KPNA1: variants seen among roughly 807,000 people sequenced by gnomAD.
KPNA1 encodes the protein importin subunit alpha-5.
KPNA1 carries 10 observed loss-of-function variants against 70.5 expected under a neutral mutation model. That is an observed-to-expected ratio of 0.14 (90% CI 0.09 to 0.24). The LOEUF (loss-of-function observed/expected upper bound fraction) is 0.24, where lower values mean the gene tolerates loss of function less well. KPNA1 is among the 10% of genes least tolerant of loss of function. The probability of loss-of-function intolerance (pLI) is 1.00; values close to 1 mark genes in which losing one functional copy is unlikely to be tolerated. For missense variants in KPNA1, 397 were observed against 637.9 expected, an observed-to-expected ratio of 0.62 and a Z score of 4.07; for synonymous variants, 192 against 221.9, an observed-to-expected ratio of 0.87 and a Z score of 1.20.
intron 2 of KPNA1, among the ~76,000 whole-genome samples, chr3:122,489,078 G>A (rs1475633373): frequency 6.7e-6 from 1 of 148,730 alleles, no homozygotes; most frequent in African/African-American, 2.5e-5. Flanking sequence ...GTGTGTGTGT[G>A]TGTGTGTCAG....
intron 3 of KPNA1, among the ~76,000 whole-genome samples, chr3:122,466,052 A>G (rs576922655): frequency 1.1e-3 from 169 of 152,302 alleles, no homozygotes; most frequent in African/African-American, 3.9e-3. Context: ...AAAAAATTGG[A>G]AAGACTGGCT....
chr3:122,476,845 C>A, intron 2 of KPNA1, among the ~76,000 whole-genome samples: 1 of 62,000 alleles, frequency 1.6e-5, no homozygotes, highest in Non-Finnish European at 3.0e-5. Context: ...GTATGAAAAA[C>A]AGTATGGAGG....
chr3:122,487,418 C>T (rs1167977620), intron 2 of KPNA1, among the ~76,000 whole-genome samples: 1 of 152,114 alleles, frequency 6.6e-6, no homozygotes, highest in Admixed American at 6.5e-5. Flanking sequence ...TGTATATGTC[C>T]AAAAGAATTC....
chr3:122,502,061 A>T (rs2076835301), intron 1 of KPNA1, among the ~76,000 whole-genome samples: 1 of 152,228 alleles, frequency 6.6e-6, no homozygotes, highest in African/African-American at 2.4e-5. Context: ...CTAATTTATA[A>T]CATGCTACCA....
chr3:122,464,442 G>A (rs2076358690), intron 3 of KPNA1, among the ~76,000 whole-genome samples: 1 of 152,092 alleles, frequency 6.6e-6, no homozygotes, highest in Non-Finnish European at 1.5e-5. Flanking sequence ...GTATGCCCCA[G>A]CCCTTATTAC....
chr3:122,429,280 G>T (rs560671359), intron 12 of KPNA1, among the ~76,000 whole-genome samples: 1 of 151,846 alleles, frequency 6.6e-6, no homozygotes, highest in African/African-American at 2.4e-5. Flanking sequence ...GTGAAACTCC[G>T]TTTCTACTAA....
chr3:122,464,641 T>C (rs930825554), intron 3 of KPNA1, among the ~76,000 whole-genome samples: 2 of 152,234 alleles, frequency 1.3e-5, no homozygotes, highest in Non-Finnish European at 2.9e-5. Flanking sequence ...ACTCTTAAAC[T>C]TATTTAAAAT....
chr3:122,434,690 A>C (rs1214617456), intron 11 of KPNA1, among the ~76,000 whole-genome samples: 1 of 152,222 alleles, frequency 6.6e-6, no homozygotes, highest in African/African-American at 2.4e-5. Context: ...AATAAGACTT[A>C]TAGTTGGATG....
intron 4 of KPNA1, among the ~76,000 whole-genome samples, 188 bp from the exon 5 acceptor site, chr3:122,461,506 T>C (rs1410612804): frequency 6.6e-6 from 1 of 152,134 alleles, no homozygotes; most frequent in Admixed American, 6.5e-5. Context: ...TGTTTCACAA[T>C]GAAGACAAGT....
At chr3:122,490,261 A>T (rs1320346282) in intron 2 of KPNA1, among the ~76,000 whole-genome samples, 4 of 152,270 alleles carry the variant, frequency 2.6e-5, no homozygotes, top group African/African-American at 9.6e-5. Context: ...GCCTCAAGGC[A>T]GCGAGGCTGT....
At chr3:122,467,457 T>C (rs767633339) in intron 2 of KPNA1, 28 bp from the exon 3 acceptor site, 36 of 1,421,378 alleles carry the variant, frequency 2.5e-5, no homozygotes, top group Non-Finnish European at 3.4e-5. Flanking sequence ...GGTAGCAATG[T>C]AAATGTAAAT....
intron 12 of KPNA1, among the ~76,000 whole-genome samples, chr3:122,430,117 G>A (rs1319776628): frequency 6.6e-6 from 1 of 151,692 alleles, no homozygotes; most frequent in East Asian, 1.9e-4. Flanking sequence ...ATATGTTATT[G>A]TTGCTTTTTT....
At chr3:122,467,715 G>A (rs2076397618) in intron 2 of KPNA1, among the ~76,000 whole-genome samples, 1 of 151,578 alleles carries the variant, frequency 6.6e-6, no homozygotes, top group African/African-American at 2.4e-5. Flanking sequence ...TTGGAAAAAG[G>A]AGCTGGGTCA....
intron 4 of KPNA1, among the ~76,000 whole-genome samples, chr3:122,462,580 C>CT (rs1439865944): frequency 1.3e-5 from 2 of 148,334 alleles, no homozygotes; most frequent in Non-Finnish European, 3.0e-5. Context: ...GGTGAAAGCC[C>CT]TTAAAAAAAA....
rs115950200 is a variant in KPNA1 at position 122,477,039 on chromosome 3, C to G, written c.130-9610G>C. On this transcript the variant is annotated intron_variant, in intron 2 of 13. Coordinates refer to ENST00000344337, the MANE Select transcript of KPNA1 (RefSeq NM_002264.4). ...ATATGGAATCAACCTAAGTGTCCAT[C>G]TCAGATGAATGGAGCAAAAAAGTGT... Among the ~76,000 whole-genome samples, 816 of 152,194 alleles carry G rather than the reference C, an allele frequency of 5.4e-3. 8 individuals are homozygous for G. The highest frequency in any genetic ancestry group is 0.018 in the African/African-American group (766 of 41,514).
chr3:122,434,616 A>G (rs905053636), intron 11 of KPNA1, among the ~76,000 whole-genome samples: 1 of 151,942 alleles, frequency 6.6e-6, no homozygotes, highest in Non-Finnish European at 1.5e-5. Flanking sequence ...TCCTGAGTCC[A>G]TCTTTTTCCT....
intron 6 of KPNA1, among the ~76,000 whole-genome samples, chr3:122,453,111 C>T (rs1268113209): frequency 6.6e-6 from 1 of 152,036 alleles, no homozygotes; most frequent in Admixed American, 6.5e-5. Context: ...ACCATGCCCA[C>T]CTACTTTATT....
At chr3:122,500,423 C>T (rs535351278) in intron 1 of KPNA1, among the ~76,000 whole-genome samples, 15 of 152,196 alleles carry the variant, frequency 9.9e-5, no homozygotes, top group African/African-American at 3.6e-4. Context: ...TACCCAGCCA[C>T]AACTGTTAAC....
intron 1 of KPNA1, among the ~76,000 whole-genome samples, chr3:122,510,065 A>G (rs1022323258): frequency 2.6e-5 from 4 of 152,192 alleles, no homozygotes; most frequent in Non-Finnish European, 5.9e-5. Context: ...CAATAGAACT[A>G]TGACTTGCAA....
Sources: gnomAD v4.1 joint callset for allele counts (sites outside exome capture counted in the v4.1 genomes callset) on GRCh38, gnomAD v4.1.1 for gene constraint, MANE v1.5 for transcripts, NCBI Gene and HGNC (gene_info 2026-07-23, HGNC 2026-07-21) for gene names.